PCP4L1: variants seen among roughly 807,000 people sequenced by gnomAD.
The protein encoded by PCP4L1 is Purkinje cell protein 4 like 1.
PCP4L1 carries 9 observed loss-of-function variants against 9.6 expected under a neutral mutation model. That is an observed-to-expected ratio of 0.94 (90% CI 0.57 to 1.64). The LOEUF is 1.64. PCP4L1 is among the 40% of genes most tolerant of loss of function. The pLI, the probability that PCP4L1 is intolerant of heterozygous loss-of-function variation, is 0.00. For synonymous variants in PCP4L1, 31 were observed against 28.2 expected (o/e 1.10, Z -0.31); for missense variants, 81 against 80.8 (o/e 1.00, Z -0.01).
intron 1 of PCP4L1, among the ~76,000 whole-genome samples, chr1:161,276,313 G>A (rs577789403): frequency 1.3e-5 from 2 of 152,196 alleles, no homozygotes; most frequent in Non-Finnish European, 2.9e-5. Flanking sequence ...TCTTTCTTTT[G>A]GTCAAAGGGG....
chr1:161,284,227 G>A lies in PCP4L1; in HGVS notation c.65-112G>A, dbSNP rs903332835. 23 of 1,430,984 alleles carry A rather than the reference G, an allele frequency of 1.6e-5. No homozygotes were observed. The African/African-American group carries it at 3.3e-4, about 21-fold the overall frequency. The allele number at this position is 1,430,984 out of a possible 1,614,324, so 88.6% of individuals were successfully genotyped here. A position where few individuals can be genotyped will look rare whatever the true frequency, so the allele number is the denominator to read the frequency against. On this transcript the variant is annotated intron_variant, in intron 2 of 2. Transcript: ENST00000504449. The stretch of plus-strand genomic sequence containing the variant: ...TTCATAATCCTAGCAAAAATTTGGG[G>A]ACCCCACAGAGTCTGGCACAAGGTG...
At chr1:161,260,792 G>A (rs755789056) in intron 1 of PCP4L1, among the ~76,000 whole-genome samples, 3 of 152,166 alleles carry the variant, frequency 2.0e-5, no homozygotes, top group East Asian at 1.9e-4. Context: ...AAGGATCCAC[G>A]GATGGAGACT....
intron 1 of PCP4L1, among the ~76,000 whole-genome samples, chr1:161,274,658 T>C (rs979038562): frequency 5.3e-5 from 8 of 152,236 alleles, no homozygotes; most frequent in African/African-American, 1.7e-4. Flanking sequence ...AACAGGAGGG[T>C]TGAGGCAGAG....
At chr1:161,264,958 G>A (rs890931339) in intron 1 of PCP4L1, among the ~76,000 whole-genome samples, 1 of 152,184 alleles carries the variant, frequency 6.6e-6, no homozygotes, top group African/African-American at 2.4e-5. Context: ...AGTCAGGGCA[G>A]GTACTATCCA....
At chr1:161,279,564 C>G (rs1291583253) in intron 1 of PCP4L1, among the ~76,000 whole-genome samples, 1 of 152,208 alleles carries the variant, frequency 6.6e-6, no homozygotes, top group Non-Finnish European at 1.5e-5. Context: ...TTACGTCTGG[C>G]AGTCATTCAA....
chr1:161,276,672 CTT>C (rs1669702596), intron 1 of PCP4L1, among the ~76,000 whole-genome samples: 1 of 128,902 alleles, frequency 7.8e-6, no homozygotes, highest in Non-Finnish European at 1.6e-5. Context: ...CAAAGCAAGA[CTT>C]ATCTCTTAAA....
chr1:161,267,282 A>G (rs534856303), intron 1 of PCP4L1, among the ~76,000 whole-genome samples: 1 of 152,304 alleles, frequency 6.6e-6, no homozygotes, highest in African/African-American at 2.4e-5. Context: ...TGTGTTTATA[A>G]TGTGTTTTTA....
rs539207656 is a variant in PCP4L1 at position 161,275,385 on chromosome 1, G to A, written c.10-8283G>A. 2.8e-3 allele frequency among the ~76,000 whole-genome samples: 422 copies of A among 151,838 alleles called. 1 individual carries two copies. Among genetic ancestry groups the A allele is most frequent in the South Asian group, 0.012 (56 of 4,794 alleles). ...CAAAAAATCAGCCAGGTGTGGTGGC[G>A]GGCGCCTGTAGTCCCAGCTACTCGG... On this transcript the variant is annotated intron_variant, in intron 1 of 2. Coordinates refer to ENST00000504449, the MANE Select transcript of PCP4L1 (RefSeq NM_001102566.2).
chr1:161,275,016 T>TG (rs1669676079), intron 1 of PCP4L1, among the ~76,000 whole-genome samples: 1 of 151,364 alleles, frequency 6.6e-6, no homozygotes, highest in African/African-American at 2.4e-5. Context: ...CCCCGGGGGG[T>TG]GGGGGGACCA....
chr1:161,272,649 A>G (rs1669642606), intron 1 of PCP4L1, among the ~76,000 whole-genome samples: 1 of 151,968 alleles, frequency 6.6e-6, no homozygotes, highest in African/African-American at 2.4e-5. Flanking sequence ...GGTAGTTGGA[A>G]AAGAAATTCA....
At chr1:161,278,107 A>G (rs72714952) in intron 1 of PCP4L1, among the ~76,000 whole-genome samples, 129 of 152,144 alleles carry the variant, frequency 8.5e-4, no homozygotes, top group Non-Finnish European at 1.5e-3. Context: ...AATCATTTCC[A>G]TCAGCATTTA....
chr1:161,276,703 A>G (rs1444797043), intron 1 of PCP4L1, among the ~76,000 whole-genome samples: 2 of 136,256 alleles, frequency 1.5e-5, no homozygotes, highest in Non-Finnish European at 3.1e-5. Context: ...AAAGGAAAAT[A>G]TGTGTGTGTG....
intron 1 of PCP4L1, among the ~76,000 whole-genome samples, chr1:161,277,543 T>A (rs965985686): frequency 4.6e-5 from 7 of 152,208 alleles, no homozygotes; most frequent in Non-Finnish European, 1.0e-4. Context: ...ATACATATTA[T>A]TTGGGTCCTT....
intron 1 of PCP4L1, among the ~76,000 whole-genome samples, chr1:161,261,972 G>A (rs1006278831): frequency 6.6e-6 from 1 of 152,200 alleles, no homozygotes; most frequent in Non-Finnish European, 1.5e-5. Context: ...AACAAGGGAA[G>A]TTCAGTCAGA....
chr1:161,284,489 G>C lies in PCP4L1; in HGVS notation c.*8G>C. The C allele has an allele frequency of 1.2e-6, 2 of 1,610,976 alleles. No individual in the cohort carries two copies. Among genetic ancestry groups the C allele is most frequent in the Non-Finnish European group, 1.7e-6 (2 of 1,178,502 alleles). On this transcript the variant is annotated 3_prime_UTR_variant, in exon 3 of 3. Transcript: ENST00000504449. Reference sequence around the variant, plus strand: ...AAGGATCCCAGCTCCTGAATGGCCAGGCTTGCCCTTCACCTTCACCTTCAT... The same window carrying C: ...AAGGATCCCAGCTCCTGAATGGCCACGCTTGCCCTTCACCTTCACCTTCAT...
intron 1 of PCP4L1, among the ~76,000 whole-genome samples, chr1:161,272,095 C>T (rs148134487): frequency 4.6e-5 from 7 of 151,658 alleles, no homozygotes; most frequent in East Asian, 1.9e-4. Flanking sequence ...TGTGAGCCAC[C>T]GTGCCCTGCC....
intron 2 of PCP4L1, 147 bp downstream of exon 2, chr1:161,283,869 G>A: frequency 1.3e-6 from 1 of 760,706 alleles, no homozygotes; most frequent in East Asian, 2.7e-5. Flanking sequence ...TGGAACTACA[G>A]TACTATATCT....
At chr1:161,262,504 G>A (rs921730735) in intron 1 of PCP4L1, among the ~76,000 whole-genome samples, 4 of 150,374 alleles carry the variant, frequency 2.7e-5, no homozygotes, top group Non-Finnish European at 5.9e-5. Flanking sequence ...TGAGGAAAAT[G>A]AGAACTTGCT....
At chr1:161,281,809 TCCTCACATCCC>T in intron 1 of PCP4L1, among the ~76,000 whole-genome samples, 1 of 45,330 alleles carries the variant, frequency 2.2e-5, no homozygotes, top group African/African-American at 1.3e-4. Flanking sequence ...GCAGAGGCGC[TCCTCACATCCC>T]GGACGGGGCG....
Sources: gnomAD v4.1 joint callset for allele counts (sites outside exome capture counted in the v4.1 genomes callset) on GRCh38, gnomAD v4.1.1 for gene constraint, MANE v1.5 for transcripts, NCBI Gene and HGNC (gene_info 2026-07-23, HGNC 2026-07-21) for gene names.